Variants in DUOX1 observed in about 807,000 individuals in gnomAD.
DUOX1 encodes the protein dual oxidase 1, also known as NADPH thyroid oxidase 1.
In DUOX1, 134 loss-of-function variants were observed where a neutral mutation model predicts 181.8. The ratio of observed to expected loss-of-function variants is 0.74; its 90% CI spans 0.64 to 0.85. The LOEUF is 0.85. Ranked by LOEUF, DUOX1 falls within the 40% of genes least tolerant of loss-of-function variation. The probability of loss-of-function intolerance (pLI) is 0.00; values close to 1 mark genes in which losing one functional copy is unlikely to be tolerated. For synonymous variants in DUOX1, 798 were observed against 832.5 expected (o/e 0.96, Z 0.71); for missense variants, 1,814 against 2,064.4 (o/e 0.88, Z 2.35).
At chr15:45,153,246 GA>G in intron 25 of DUOX1, 133 bp from the exon 26 acceptor site, 1 of 347,434 alleles carries the variant, frequency 2.9e-6, no homozygotes, top group Non-Finnish European at 5.2e-6. Context: ...AAAAAAAAAA[GA>G]GGTCAGAAGT....
At chr15:45,136,268 C>T (rs1567008629) in intron 7 of DUOX1, 82 bp from the exon 8 acceptor site, 12 of 1,600,634 alleles carry the variant, frequency 7.5e-6, no homozygotes, top group Non-Finnish European at 1.0e-5. Context: ...CATCTCCACA[C>T]GGAAGCCGTC....
intron 28 of DUOX1, 117 bp from the exon 29 acceptor site, chr15:45,160,719 TG>T: frequency 8.6e-7 from 1 of 1,163,284 alleles, no homozygotes; most frequent in Non-Finnish European, 1.1e-6. Flanking sequence ...GCATGGTACG[TG>T]GTGAGGTGGG....
Position 45,162,298 on chromosome 15 carries a change from T to C in DUOX1, c.4169T>C (p.Ile1390Thr), listed in dbSNP as rs1366553455. The C allele has an allele frequency of 5.6e-6, 9 of 1,613,870 alleles. No homozygotes were observed. The highest frequency in any genetic ancestry group is 1.3e-5 in the African/African-American group (1 of 74,908). The change falls in exon 31 of 34, where the codon ATT (isoleucine) becomes ACT (threonine). Residue 1390 changes from isoleucine (I) to threonine (T), a missense_variant. By Grantham distance (89) the Ile-to-Thr change is moderately conservative (BLOSUM62 -1). This residue lies in a region of DUOX1 where 279 missense variants were observed against 381.9 expected (regional missense o/e 0.73). Coordinates refer to ENST00000389037, the MANE Select transcript of DUOX1 (RefSeq NM_175940.3). Reference sequence around the variant, plus strand: ...GTGTCAGTGTTAGTGGGAGGGGGCATTGGGGTCACCCCTTTTGCCTCCATC... The same window carrying C: ...GTGTCAGTGTTAGTGGGAGGGGGCACTGGGGTCACCCCTTTTGCCTCCATC... ...FEVSVLVGGG[I>T]GVTPFASILK...
At position 45,143,244 on chromosome 15, in the gene DUOX1, G is replaced by A; in HGVS notation, c.1877G>A (p.Arg626Lys). 1 of 1,614,146 alleles carries A rather than the reference G, an allele frequency of 6.2e-7. No individual in the cohort carries two copies. Among genetic ancestry groups the A allele is most frequent in the Non-Finnish European group, 8.5e-7 (1 of 1,180,018 alleles). Residue 626 changes from arginine to lysine, a missense_variant, in exon 16 of 34, where the codon AGG (arginine) becomes AAG (lysine). By Grantham distance (26) the Arg-to-Lys change is conservative. Around this residue, in one of 5 missense-constraint regions of DUOX1, gnomAD observed 1,064 missense variants for 1,152.9 expected, o/e 0.92. Transcript: ENST00000389037. ...VARLRMRNFKRLQGQDRQSIV... is the reference protein window; with the variant it reads ...VARLRMRNFKKLQGQDRQSIV... ...CGGCTCCGGATGAGAAATTTCAAGA[G>A]GCTCCAGGGCCAGGACCGCCAGAGC...
intron 23 of DUOX1, 51 bp downstream of exon 23, chr15:45,151,299 T>A (rs1290142862): frequency 1.3e-6 from 2 of 1,593,390 alleles, no homozygotes; most frequent in Non-Finnish European, 1.7e-6. Flanking sequence ...TTCCTTCAGC[T>A]TATAAACATC....
rs540257428 is a variant in DUOX1, at chr15:45,161,942, C to T, written c.4061C>T (p.Thr1354Met). 1.3e-5 allele frequency: 21 copies of T among 1,613,606 alleles called. No individual in the cohort carries two copies. The highest frequency in any genetic ancestry group is 1.6e-4 in the Middle Eastern group (1 of 6,062). Residue 1354 changes from threonine to methionine, a missense_variant, in exon 30 of 34, where the codon ACG becomes ATG. Physicochemically the swap from Thr to Met is moderately conservative, Grantham distance 81. Transcript: ENST00000389037. The stretch of plus-strand genomic sequence containing the variant: ...CTCAGGGAGATCTACTCAGCCCCGA[C>T]GGGTGACAGATGTGCCAGATACCCA... ...TRLREIYSAP[T>M]GDRCARYPKL...
chr15:45,156,652 C>T (rs554036348), intron 28 of DUOX1, among the ~76,000 whole-genome samples: 6 of 152,252 alleles, frequency 3.9e-5, no homozygotes, highest in Non-Finnish European at 7.4e-5. Flanking sequence ...AGGCTGGTCT[C>T]GAATTCCTGA....
chr15:45,136,330 C>T lies in DUOX1; in HGVS notation c.865-20C>T. 9 of 1,612,930 alleles carry T rather than the reference C, an allele frequency of 5.6e-6. No homozygotes were observed. Among genetic ancestry groups the T allele is most frequent in the Non-Finnish European group, 7.6e-6 (9 of 1,180,012 alleles). ...TCCCCATCCAACTCGTGCCTCCCCT[C>T]GCCCCTCTCTGCCCCTCAGAACATC... On this transcript the variant is annotated intron_variant, in intron 7 of 33. Transcript: ENST00000389037.
In DUOX1 at chr15:45,130,022, A is replaced by T. The variant is rs1012865130; in HGVS notation, c.-126A>T. ...GAGCTGCAGAGGCACCGGACGAGAGAGGGCTCCGCGGGCCCAGCTGGCAGC... is the reference window on the plus strand; with the variant it reads ...GAGCTGCAGAGGCACCGGACGAGAGTGGGCTCCGCGGGCCCAGCTGGCAGC... On this transcript the variant is annotated 5_prime_UTR_variant, in exon 1 of 34. Coordinates refer to ENST00000389037, the MANE Select transcript of DUOX1 (RefSeq NM_175940.3). The T allele has an allele frequency of 6.6e-6, 1 of 152,152 alleles. No homozygotes were observed. Among genetic ancestry groups the T allele is most frequent in the Non-Finnish European group, 1.5e-5 (1 of 68,072 alleles). 9.4% of individuals were successfully genotyped at this position (152,152 alleles called of 1,614,324 possible).
rs202192396 is a variant in DUOX1 at position 45,135,634 on chromosome 15, C to G, written c.656C>G (p.Pro219Arg). 7.1e-4 allele frequency: 1,094 copies of G among 1,545,854 alleles called. 3 individuals carry two copies. In the African/African-American group the frequency reaches 0.012, roughly 17 times the overall value. The change falls in exon 6 of 34, where the codon CCC (proline) becomes CGC (arginine). Residue 219 changes from proline (P) to arginine (R), a missense_variant. Pro to Arg is a moderately radical substitution (Grantham distance 103, BLOSUM62 -2). Around this residue, in one of 5 missense-constraint regions of DUOX1, gnomAD observed 320 missense variants for 313.1 expected, o/e 1.02. Coordinates refer to ENST00000389037, the MANE Select transcript of DUOX1 (RefSeq NM_175940.3). ...SQNPLLMWAA[P>R]DPATGQNGPR... ...AACCCCCTGCTCATGTGGGCGGCGCCCGACCCCGCCACCGGGCAGAACGGG... is the reference window on the plus strand; with the variant it reads ...AACCCCCTGCTCATGTGGGCGGCGCGCGACCCCGCCACCGGGCAGAACGGG...
rs914523338 is a variant in DUOX1 at position 45,141,986 on chromosome 15, C to A, written c.1696C>A (p.Pro566Thr). ...CTCTGCCTTCCCAGGAGACCCCTGT[C>A]CGCAGCCGAGACAGCTCAGCACTGA... ...VFVWHKGDPC[P>T]QPRQLSTEGL... The change falls in exon 15 of 34, where the codon CCG (proline) becomes ACG (threonine). Residue 566 changes from proline (P) to threonine (T), a missense_variant. Around this residue, in one of 5 missense-constraint regions of DUOX1, gnomAD observed 1,064 missense variants for 1,152.9 expected, o/e 0.92. Transcript: ENST00000389037. 6.2e-7 allele frequency: 1 copy of A among 1,612,056 alleles called. No homozygotes were observed. Among genetic ancestry groups the A allele is most frequent in the Non-Finnish European group, 8.5e-7 (1 of 1,179,338 alleles).
At position 45,149,501 on chromosome 15, in the gene DUOX1, C is replaced by T. The variant is rs1319658068; in HGVS notation, c.2818+1054C>T. Reference sequence around the variant, plus strand: ...GAAGATTAGCACTGAGTATTGTTTTCTTTTAATTGTTATTGACTCCAGATT... The same window carrying T: ...GAAGATTAGCACTGAGTATTGTTTTTTTTTAATTGTTATTGACTCCAGATT... On this transcript the variant is annotated intron_variant, in intron 21 of 33. Coordinates refer to ENST00000389037, the MANE Select transcript of DUOX1 (RefSeq NM_175940.3). Among the ~76,000 whole-genome samples, 8 of 151,716 alleles carry T rather than the reference C, an allele frequency of 5.3e-5. No homozygotes were observed. In the South Asian group the frequency reaches 1.7e-3, roughly 32 times the overall value.
chr15:45,133,723 C>T, intron 2 of DUOX1, 141 bp from the exon 3 acceptor site: 5 of 711,934 alleles, frequency 7.0e-6, no homozygotes, highest in Admixed American at 2.3e-5. Flanking sequence ...TTTCCCTCTG[C>T]ACCCTACCTC....
rs765394781 is a variant in DUOX1, at chr15:45,135,111, C to A, written c.315C>A (p.His105Gln). The part of the protein sequence containing the change: ...RTVLGVFFGY[H>Q]VLSDLVSVET... ...CTCCTGCACTGCCCGCAGGCTATCA[C>A]GTGCTTTCAGACCTGGTGAGCGTGG... The change falls in exon 5 of 34, where the codon CAC becomes CAA. Residue 105 changes from histidine to glutamine, a missense_variant. By Grantham distance (24) the His-to-Gln change is conservative. Coordinates refer to ENST00000389037, the MANE Select transcript of DUOX1 (RefSeq NM_175940.3). The A allele has an allele frequency of 1.2e-6, 2 of 1,613,568 alleles. No homozygotes were observed. The highest frequency in any genetic ancestry group is 2.7e-5 in the African/African-American group (2 of 74,864).
In DUOX1 at chr15:45,163,675, G is replaced by C; in HGVS notation, c.4392G>C (p.Arg1464Ser). Reference protein sequence around the residue: ...ITQLAEKFDLRTTMLYICERH... With the variant: ...ITQLAEKFDLSTTMLYICERH... ...AGCTGGCTGAGAAGTTCGACCTCAGGACCACTATGCTGGTATGTCAGGGCC... is the reference window on the plus strand; with the variant it reads ...AGCTGGCTGAGAAGTTCGACCTCAGCACCACTATGCTGGTATGTCAGGGCC... The change falls in exon 32 of 34, where the codon AGG becomes AGC. Residue 1464 changes from arginine to serine, a missense_variant. This residue lies in a region of DUOX1 where 124 missense variants were observed against 125.7 expected (regional missense o/e 0.99). Coordinates refer to ENST00000389037, the MANE Select transcript of DUOX1 (RefSeq NM_175940.3). The C allele has an allele frequency of 6.2e-7, 1 of 1,614,098 alleles. No individual in the cohort carries two copies. The highest frequency in any genetic ancestry group is 8.5e-7 in the Non-Finnish European group (1 of 1,180,018).
At chr15:45,156,276 G>C (rs868523039) in intron 28 of DUOX1, among the ~76,000 whole-genome samples, 7 of 152,258 alleles carry the variant, frequency 4.6e-5, no homozygotes, top group Middle Eastern at 3.4e-3. Flanking sequence ...GCACCCAAGA[G>C]AGCATCACCC....
chr15:45,150,294 T>C (rs1472440412), intron 21 of DUOX1: 1 of 264,550 alleles, frequency 3.8e-6, no homozygotes, highest in Non-Finnish European at 7.2e-6. Flanking sequence ...TAGAGGATCT[T>C]AAGCCAAATT....
At chr15:45,136,863 T>C (rs1236016268) in intron 9 of DUOX1, among the ~76,000 whole-genome samples, 3 of 151,696 alleles carry the variant, frequency 2.0e-5, no homozygotes, top group Non-Finnish European at 4.4e-5. Context: ...CACCATTAAA[T>C]ATAGAGTAAT....
Position 45,155,918 on chromosome 15 carries a change from C to T in DUOX1, c.3691C>T (p.Leu1231Phe), listed in dbSNP as rs142113675. Reference sequence around the variant, plus strand: ...GCTGACCCACCACCTCTACATCCTGCTCTATGTCCTGGTGAGGGCTTTTGG... The same window carrying T: ...GCTGACCCACCACCTCTACATCCTGTTCTATGTCCTGGTGAGGGCTTTTGG... Reference protein sequence around the residue: ...FWLTHHLYILLYVLLIIHGSF... With the variant: ...FWLTHHLYILFYVLLIIHGSF... The change falls in exon 28 of 34, where the codon CTC becomes TTC. Residue 1231 changes from leucine (L) to phenylalanine (F), a missense_variant. By Grantham distance (22) the Leu-to-Phe change is conservative. This residue lies in a region of DUOX1 where 279 missense variants were observed against 381.9 expected (regional missense o/e 0.73). Transcript: ENST00000389037. 4.3e-5 allele frequency: 69 copies of T among 1,614,060 alleles called. No homozygotes were observed. Among genetic ancestry groups the T allele is most frequent in the Middle Eastern group, 3.3e-4 (2 of 6,084 alleles).
Sources: gnomAD v4.1 joint callset for allele counts (sites outside exome capture counted in the v4.1 genomes callset) on GRCh38, gnomAD v4.1.1 for gene constraint, gnomAD v4.1.1 regional missense constraint, MANE v1.5 for transcripts, NCBI Gene and HGNC (gene_info 2026-07-23, HGNC 2026-07-21) for gene names.